PPARGC1A: variants seen among roughly 807,000 people sequenced by gnomAD.
PPARGC1A encodes PPARG coactivator 1 alpha, also known as peroxisome proliferator-activated receptor gamma coactivator 1-alpha.
PPARGC1A carries 25 observed loss-of-function variants against 88.7 expected under a neutral mutation model. That is an observed-to-expected ratio of 0.28 (90% CI 0.21 to 0.39). The LOEUF (loss-of-function observed/expected upper bound fraction) is 0.39. PPARGC1A is among the 10% of genes least tolerant of loss of function. PPARGC1A has a pLI of 1.00. For synonymous variants in PPARGC1A, 363 were observed against 355.6 expected (o/e 1.02, Z -0.24); for missense variants, 880 against 968.7 (o/e 0.91, Z 1.22).
the PPARGC1A span, among the ~76,000 whole-genome samples, chr4:24,062,431 A>G: frequency 1.3e-5 from 2 of 152,194 alleles, no homozygotes. Flanking sequence ...CCAGTCCAGG[A>G]AGAGTATAAT....
the PPARGC1A span, among the ~76,000 whole-genome samples, chr4:24,140,450 G>A: frequency 1.3e-5 from 2 of 152,222 alleles, no homozygotes; most frequent in Admixed American, 6.5e-5. Flanking sequence ...CGGGTCATTG[G>A]ACAATGCTAC....
At chr4:24,095,413 C>T in the PPARGC1A span, among the ~76,000 whole-genome samples, 8 of 152,148 alleles carry the variant, frequency 5.3e-5, no homozygotes, top group African/African-American at 1.9e-4. Flanking sequence ...CATAAGCCAC[C>T]ACACCCGGCC....
the PPARGC1A span, among the ~76,000 whole-genome samples, chr4:24,251,323 A>T: frequency 6.6e-6 from 1 of 152,192 alleles, no homozygotes; most frequent in East Asian, 1.9e-4. Context: ...AGTCACTATG[A>T]AGATTACATT....
chr4:24,435,319 T>G, the PPARGC1A span, among the ~76,000 whole-genome samples: 1 of 152,198 alleles, frequency 6.6e-6, no homozygotes, highest in Non-Finnish European at 1.5e-5. Flanking sequence ...ATTACATAAA[T>G]TAATGCTCTG....
At chr4:24,157,020 T>C in the PPARGC1A span, among the ~76,000 whole-genome samples, 1 of 152,178 alleles carries the variant, frequency 6.6e-6, no homozygotes, top group South Asian at 2.1e-4. Flanking sequence ...TCAAATTTAA[T>C]TTATTCAAGG....
chr4:24,176,131 G>A, the PPARGC1A span, among the ~76,000 whole-genome samples: 1 of 152,138 alleles, frequency 6.6e-6, no homozygotes, highest in South Asian at 2.1e-4. Flanking sequence ...AAATCTCCAG[G>A]ACCTACTACA....
At chr4:24,376,916 T>G in the PPARGC1A span, among the ~76,000 whole-genome samples, 2 of 152,190 alleles carry the variant, frequency 1.3e-5, no homozygotes, top group Non-Finnish European at 1.5e-5. Context: ...TTTAATTCTC[T>G]GCAAGTAATG....
the PPARGC1A span, among the ~76,000 whole-genome samples, chr4:24,401,589 G>T: frequency 6.6e-6 from 1 of 152,248 alleles, no homozygotes; most frequent in Middle Eastern, 3.4e-3. Context: ...TTGATGCTCA[G>T]TTTTTCCCTC....
chr4:24,318,373 G>C, the PPARGC1A span, among the ~76,000 whole-genome samples: 1 of 152,142 alleles, frequency 6.6e-6, no homozygotes, highest in Non-Finnish European at 1.5e-5. Flanking sequence ...AAATTCTTTG[G>C]CTTGAAGTTC....
the PPARGC1A span, among the ~76,000 whole-genome samples, chr4:24,234,866 G>A: frequency 6.6e-6 from 1 of 152,148 alleles, no homozygotes; most frequent in East Asian, 1.9e-4. Flanking sequence ...TTTCTGTTCT[G>A]TTCTTTCTTT....
At chr4:24,169,247 G>A in the PPARGC1A span, among the ~76,000 whole-genome samples, 1 of 152,114 alleles carries the variant, frequency 6.6e-6, no homozygotes, top group Non-Finnish European at 1.5e-5. Flanking sequence ...TCTCAAGTCC[G>A]TGAAAAACAA....
At chr4:23,872,878 C>T (rs1713717647) in intron 2 of PPARGC1A, among the ~76,000 whole-genome samples, 1 of 152,112 alleles carries the variant, frequency 6.6e-6, no homozygotes, top group African/African-American at 2.4e-5. Context: ...AGAGCTTTAG[C>T]CAGTGAATTG....
chr4:24,371,678 T>C, the PPARGC1A span, among the ~76,000 whole-genome samples: 1 of 151,760 alleles, frequency 6.6e-6, no homozygotes, highest in Non-Finnish European at 1.5e-5. Flanking sequence ...CGGTGGCTCA[T>C]GCCTGTAATC....
At chr4:23,861,697 T>C (rs1731251955) in intron 2 of PPARGC1A, among the ~76,000 whole-genome samples, 1 of 152,132 alleles carries the variant, frequency 6.6e-6, no homozygotes, top group African/African-American at 2.4e-5. Context: ...AAAATATTTC[T>C]GAAAAAATGC....
the PPARGC1A span, among the ~76,000 whole-genome samples, chr4:24,201,262 A>G: frequency 6.6e-6 from 1 of 152,240 alleles, no homozygotes; most frequent in Non-Finnish European, 1.5e-5. Context: ...GTCAAGGTCT[A>G]AAAAAGTAAC....
the PPARGC1A span, among the ~76,000 whole-genome samples, chr4:23,967,685 A>T: frequency 6.6e-6 from 1 of 152,142 alleles, no homozygotes; most frequent in African/African-American, 2.4e-5. Flanking sequence ...TGATGATATA[A>T]ACCCTCCTTT....
the PPARGC1A span, among the ~76,000 whole-genome samples, chr4:24,355,000 A>T: frequency 0.03 from 4,535 of 152,256 alleles, 374 homozygotes; most frequent in East Asian, 0.22. Context: ...AAATGGAAAA[A>T]ATTGTTTAGG....
chr4:24,390,522 A>T, the PPARGC1A span, among the ~76,000 whole-genome samples: 52 of 152,236 alleles, frequency 3.4e-4, no homozygotes, highest in South Asian at 0.011. Flanking sequence ...CATGTTATGC[A>T]CATGTGCACG....
At chr4:24,163,502 A>T in the PPARGC1A span, among the ~76,000 whole-genome samples, 2 of 152,152 alleles carry the variant, frequency 1.3e-5, no homozygotes, top group Non-Finnish European at 2.9e-5. Flanking sequence ...GCATCAATTT[A>T]AAAAAATATG....
Sources: allele counts gnomAD v4.1 joint callset (sites outside exome capture counted in the v4.1 genomes callset), GRCh38; gene constraint gnomAD v4.1.1; transcripts MANE v1.5; gene names NCBI Gene and HGNC (gene_info 2026-07-23, HGNC 2026-07-21).